Variants in AGL observed in about 807,000 individuals in gnomAD.
AGL encodes the protein glycogen debranching enzyme.
In AGL, 128 loss-of-function variants were observed where a neutral mutation model predicts 199.3. That is an observed-to-expected ratio of 0.64 (90% CI 0.56 to 0.74). The LOEUF is 0.74. Ranked by LOEUF, AGL falls within the 30% of genes least tolerant of loss-of-function variation. The pLI is 0.00. For synonymous variants in AGL, 584 were observed against 594.7 expected (o/e 0.98, Z 0.26); for missense variants, 1,809 against 1,820.8 (o/e 0.99, Z 0.12).
chr1:99,892,956 A>G (rs1174086025), intron 24 of AGL, among the ~76,000 whole-genome samples: 2 of 152,112 alleles, frequency 1.3e-5, no homozygotes, highest in African/African-American at 4.8e-5. Context: ...TGTAATTATC[A>G]AGAGGTCATG....
intron 33 of AGL, among the ~76,000 whole-genome samples, chr1:99,917,580 AT>A (rs1337417247): frequency 6.6e-6 from 1 of 152,004 alleles, no homozygotes; most frequent in Non-Finnish European, 1.5e-5. Flanking sequence ...TGAAATTTAA[AT>A]GTTTGTTGTC....
chr1:99,912,488 C>T lies in AGL; in HGVS notation c.3920C>T (p.Pro1307Leu). 1 of 1,613,682 alleles carries T rather than the reference C, an allele frequency of 6.2e-7. No individual in the cohort carries two copies. Among genetic ancestry groups the T allele is most frequent in the Non-Finnish European group, 8.5e-7 (1 of 1,179,792 alleles). ...LLELSKKNIF[P>L]YHEVTVKRHG... ...GAATTATCCAAAAAAAATATTTTCC[C>T]TTATCATGAAGTCACAGTAAAAAGA... The change falls in exon 29 of 34, where the codon CCT becomes CTT. Residue 1307 changes from proline to leucine, a missense_variant. Coordinates refer to ENST00000361915, the MANE Select transcript of AGL (RefSeq NM_000642.3).
intron 2 of AGL, among the ~76,000 whole-genome samples, chr1:99,857,847 A>AGAGGGAGACCGTGGGGCGGGGGAGGGG: frequency 1.2e-4 from 1 of 8,224 alleles, no homozygotes; most frequent in African/African-American, 4.8e-4. Flanking sequence ...GGGGAGGGGG[A>AGAGGGAGACCGTGGGGCGGGGGAGGGG]GGGGGGAAGA....
chr1:99,896,979 G>C (rs1653378430), intron 25 of AGL, among the ~76,000 whole-genome samples: 1 of 152,094 alleles, frequency 6.6e-6, no homozygotes, highest in Non-Finnish European at 1.5e-5. Flanking sequence ...ACCACGCCCA[G>C]CTAATTTTTG....
At position 99,879,791 on chromosome 1, in the gene AGL, G is replaced by A; in HGVS notation, c.1612-132G>A. ...AAATTCTCTTGTTTCTATGTGTTTT[G>A]GTATGTTTGATATCTTGCTGCATAT... is the stretch of plus-strand genomic sequence containing the variant. On this transcript the variant is annotated intron_variant, in intron 12 of 33. Transcript: ENST00000361915. The A allele has an allele frequency of 4.1e-6, 3 of 723,632 alleles. No homozygotes were observed. In the South Asian group the frequency reaches 4.5e-5, roughly 11 times the overall value. 44.8% of individuals were successfully genotyped at this position (723,632 alleles called of 1,614,324 possible).
intron 27 of AGL, among the ~76,000 whole-genome samples, chr1:99,910,199 A>G (rs1029079370): frequency 6.6e-6 from 1 of 152,120 alleles, no homozygotes; most frequent in Non-Finnish European, 1.5e-5. Flanking sequence ...AAAATAATGT[A>G]CATTGTACCC....
chr1:99,882,620 T>G (rs1293383822), intron 17 of AGL, among the ~76,000 whole-genome samples: 1 of 152,202 alleles, frequency 6.6e-6, no homozygotes, highest in African/African-American at 2.4e-5. Context: ...TCTCTATGTA[T>G]TCCTCTAGCA....
At position 99,874,723 on chromosome 1, in the gene AGL, A is replaced by G. The variant is rs2101126148; in HGVS notation, c.995A>G (p.His332Arg). Residue 332 changes from histidine (H) to arginine (R), a missense_variant, in exon 8 of 34, where the codon CAC (histidine) becomes CGC (arginine). By Grantham distance (29) the His-to-Arg change is conservative. Transcript: ENST00000361915. Reference sequence around the variant, plus strand: ...GTAACCAAGTCTGATCCAAACCAACACCTTACGATTATTCAAGATCCTGAA... The same window carrying G: ...GTAACCAAGTCTGATCCAAACCAACGCCTTACGATTATTCAAGATCCTGAA... Reference protein sequence around the residue: ...RRVTKSDPNQHLTIIQDPEYR... With the variant: ...RRVTKSDPNQRLTIIQDPEYR... 5 of 1,598,966 alleles carry G rather than the reference A, an allele frequency of 3.1e-6. No homozygotes were observed. The highest frequency in any genetic ancestry group is 4.3e-6 in the Non-Finnish European group (5 of 1,170,856).
Position 99,922,382 on chromosome 1 carries a change from T to C in AGL, c.*731T>C, listed in dbSNP as rs1333191870. On this transcript the variant is annotated 3_prime_UTR_variant, in exon 34 of 34. Transcript: ENST00000361915. Reference sequence around the variant, plus strand: ...GCTTACATTTTCAAAATGGAAATTGTCGGTCATATTTCTAGAACTTTAAAG... The same window carrying C: ...GCTTACATTTTCAAAATGGAAATTGCCGGTCATATTTCTAGAACTTTAAAG... 1 of 151,812 alleles carries C rather than the reference T, an allele frequency of 6.6e-6. No homozygotes were observed. Among genetic ancestry groups the C allele is most frequent in the Non-Finnish European group, 1.5e-5 (1 of 67,808 alleles). The allele number at this position is 151,812 out of a possible 1,614,324, so 9.4% of individuals were successfully genotyped here.
chr1:99,856,366 T>TCCCTCCCTCCCTC (rs1557741665), intron 2 of AGL, among the ~76,000 whole-genome samples: 1 of 73,842 alleles, frequency 1.4e-5, no homozygotes, highest in African/African-American at 4.6e-5. Context: ...CTCCCTCCCT[T>TCCCTCCCTCCCTC]CCTTCCTCCC....
At chr1:99,887,869 C>G (rs1051923964) in intron 20 of AGL, 109 bp from the exon 21 acceptor site, 2 of 1,255,990 alleles carry the variant, frequency 1.6e-6, no homozygotes, top group East Asian at 2.5e-5. Context: ...GTTCCTAAAA[C>G]ATACACTGCT....
chr1:99,862,363 G>A lies in AGL; in HGVS notation c.400G>A (p.Ala134Thr). 1 of 1,614,120 alleles carries A rather than the reference G, an allele frequency of 6.2e-7. No individual in the cohort carries two copies. The highest frequency in any genetic ancestry group is 8.5e-7 in the Non-Finnish European group (1 of 1,180,004). Residue 134 changes from alanine to threonine, a missense_variant, in exon 4 of 34, where the codon GCT becomes ACT. By Grantham distance (58) the Ala-to-Thr change is moderately conservative (BLOSUM62 0). Coordinates refer to ENST00000361915, the MANE Select transcript of AGL (RefSeq NM_000642.3). ...CTGTGTTACTCTTCAGACATTTTTA[G>A]CTAAGTGTTTGGGACCTTTTGATGA... ...LDCVTLQTFL[A>T]KCLGPFDEWE...
rs149679116 is a variant in AGL, at chr1:99,880,863, G to A, written c.1899+68G>A. ...TTTGATATTTAACTCTCTGACACTT[G>A]GTCACAATCATACCCATATACTTCA... On this transcript the variant is annotated intron_variant, in intron 14 of 33. Transcript: ENST00000361915. 564 of 1,546,624 alleles carry A rather than the reference G, an allele frequency of 3.6e-4. 3 individuals are homozygous for A. In the East Asian group the frequency reaches 7.3e-3, roughly 20 times the overall value.
rs687979 is a variant in AGL at position 99,862,716 on chromosome 1, G to A, written c.460+293G>A. ...AAGAGAACAAAGTGGGAGGTGCTAC[G>A]TGCTTTTAAACAACCAGATCTTGTG... On this transcript the variant is annotated intron_variant, in intron 4 of 33. Transcript: ENST00000361915. Among the ~76,000 whole-genome samples, 115,290 of 151,940 alleles carry A rather than the reference G, an allele frequency of 0.76. 44,433 individuals carry two copies. Among genetic ancestry groups the A allele is most frequent in the African/African-American group, 0.91 (37,879 of 41,474 alleles).
intron 2 of AGL, chr1:99,852,558 TAGAAACTGGGTCTCAC>T: frequency 1.7e-6 from 1 of 603,432 alleles, no homozygotes; most frequent in South Asian, 1.9e-5. Context: ...TTTTTTTTTG[TAGAAACTGGGTCTCAC>T]TATGTTGCCC....
chr1:99,881,140 G>T lies in AGL; in HGVS notation c.1964G>T (p.Gly655Val). The T allele has an allele frequency of 6.2e-7, 1 of 1,613,962 alleles. No homozygotes were observed. Among genetic ancestry groups the T allele is most frequent in the Non-Finnish European group, 8.5e-7 (1 of 1,179,928 alleles). The part of the protein sequence containing the change: ...TIVSMACCAS[G>V]STRGYDELVP... ...GTTTCTATGGCATGTTGTGCTAGTG[G>T]AAGTACAAGAGGCTATGATGAATTA... Residue 655 changes from glycine to valine, a missense_variant, in exon 15 of 34, where the codon GGA becomes GTA. Transcript: ENST00000361915.
chr1:99,893,830 A>G (rs576683408), intron 24 of AGL, among the ~76,000 whole-genome samples: 2 of 152,280 alleles, frequency 1.3e-5, no homozygotes, highest in South Asian at 2.1e-4. Flanking sequence ...AGATTTGCAG[A>G]TAGGTTTTTT....
At position 99,910,823 on chromosome 1, in the gene AGL, A is replaced by G. The variant is rs892629109; in HGVS notation, c.3812A>G (p.Asn1271Ser). The G allele has an allele frequency of 3.7e-6, 6 of 1,613,136 alleles. No individual in the cohort carries two copies. Among genetic ancestry groups the G allele is most frequent in the Non-Finnish European group, 5.1e-6 (6 of 1,179,466 alleles). ...ATGGGAGAAAGTGACAGAGCTAGAAACAGAGGAATCCCAGCCACACCAAGG... is the reference window on the plus strand; with the variant it reads ...ATGGGAGAAAGTGACAGAGCTAGAAGCAGAGGAATCCCAGCCACACCAAGG... Reference protein sequence around the residue: ...DKMGESDRARNRGIPATPRDG... With the variant: ...DKMGESDRARSRGIPATPRDG... Residue 1271 changes from asparagine to serine, a missense_variant, in exon 28 of 34, where the codon AAC becomes AGC. Transcript: ENST00000361915.
intron 5 of AGL, among the ~76,000 whole-genome samples, chr1:99,869,553 C>T (rs1650813244): frequency 6.6e-6 from 1 of 152,146 alleles, no homozygotes; most frequent in African/African-American, 2.4e-5. Context: ...TTACTTAACT[C>T]TCTGTGCTTC....
Sources: allele counts gnomAD v4.1 joint callset (sites outside exome capture counted in the v4.1 genomes callset), GRCh38; gene constraint gnomAD v4.1.1; transcripts MANE v1.5; gene names NCBI Gene and HGNC (gene_info 2026-07-23, HGNC 2026-07-21).